TRERF1: variants seen among roughly 807,000 people sequenced by gnomAD.
The protein encoded by TRERF1 is transcriptional regulating factor 1.
Under a neutral mutation model 122.9 loss-of-function variants are expected in TRERF1, and 27 were observed. The ratio of observed to expected loss-of-function variants is 0.22; its 90% CI spans 0.16 to 0.30. The LOEUF (loss-of-function observed/expected upper bound fraction) is 0.30. Among genes scored for constraint, TRERF1 ranks in the 10% least tolerant of loss-of-function variants. The pLI is 1.00. For missense variants in TRERF1, 1,248 were observed against 1,560.3 expected (o/e 0.80, Z 3.37); for synonymous variants, 636 against 641.7 (o/e 0.99, Z 0.13).
intron 4 of TRERF1, among the ~76,000 whole-genome samples, chr6:42,299,534 T>C (rs1785771542): frequency 1.3e-5 from 2 of 152,126 alleles, no homozygotes; most frequent in African/African-American, 2.4e-5. Flanking sequence ...TTAACACACC[T>C]CTCTCAATAA....
chr6:42,230,057 C>T (rs934935435), intron 17 of TRERF1, among the ~76,000 whole-genome samples: 4 of 152,028 alleles, frequency 2.6e-5, no homozygotes, highest in Non-Finnish European at 5.9e-5. Flanking sequence ...GAGGGGGTGG[C>T]ATAATACTCT....
intron 3 of TRERF1, among the ~76,000 whole-genome samples, chr6:42,317,387 C>T (rs1762670111): frequency 6.6e-6 from 1 of 152,166 alleles, no homozygotes; most frequent in Admixed American, 6.5e-5. Context: ...CAGAGTCTTG[C>T]TCTGTTGCCC....
intron 2 of TRERF1, among the ~76,000 whole-genome samples, chr6:42,369,224 TG>T (rs1304167524): frequency 6.6e-6 from 1 of 151,992 alleles, no homozygotes; most frequent in Non-Finnish European, 1.5e-5. Flanking sequence ...CCAAGGCGGG[TG>T]GATCACTTGA....
intron 2 of TRERF1, among the ~76,000 whole-genome samples, chr6:42,408,864 T>G (rs1041955622): frequency 2.6e-5 from 4 of 152,184 alleles, no homozygotes; most frequent in African/African-American, 4.8e-5. Flanking sequence ...CATCTAAAAT[T>G]TATAACATAT....
At chr6:42,270,760 C>T (rs1582717021) in intron 4 of TRERF1, among the ~76,000 whole-genome samples, 1 of 150,456 alleles carries the variant, frequency 6.6e-6, no homozygotes, top group Non-Finnish European at 1.5e-5. Context: ...CACAGCAAGA[C>T]CTCATCTCTT....
At chr6:42,342,109 T>C (rs917905191) in intron 3 of TRERF1, among the ~76,000 whole-genome samples, 7 of 152,260 alleles carry the variant, frequency 4.6e-5, no homozygotes, top group African/African-American at 7.2e-5. Flanking sequence ...GGGCTCCCCC[T>C]GAGGGCAGAG....
intron 3 of TRERF1, among the ~76,000 whole-genome samples, chr6:42,340,461 A>G (rs1027413866): frequency 1.3e-5 from 2 of 152,240 alleles, no homozygotes; most frequent in Admixed American, 1.3e-4. Flanking sequence ...CAGCCCATAG[A>G]TTAATCTATT....
At chr6:42,351,031 T>C (rs1029609349) in intron 3 of TRERF1, among the ~76,000 whole-genome samples, 3 of 152,084 alleles carry the variant, frequency 2.0e-5, no homozygotes, top group African/African-American at 7.2e-5. Context: ...AGATTACTGA[T>C]GGCCTCATGA....
chr6:42,386,131 G>A (rs926744241), intron 2 of TRERF1, among the ~76,000 whole-genome samples: 2 of 152,180 alleles, frequency 1.3e-5, no homozygotes, highest in African/African-American at 4.8e-5. Context: ...CGAGGTGGGC[G>A]AATCACCTGA....
intron 4 of TRERF1, among the ~76,000 whole-genome samples, chr6:42,299,324 A>C (rs1785733783): frequency 6.6e-6 from 1 of 152,194 alleles, no homozygotes; most frequent in Non-Finnish European, 1.5e-5. Context: ...ATGGAAAATG[A>C]AATGAGGGGG....
intron 2 of TRERF1, among the ~76,000 whole-genome samples, chr6:42,439,552 C>A (rs1786101516): frequency 1.3e-5 from 2 of 152,122 alleles, no homozygotes; most frequent in African/African-American, 4.8e-5. Context: ...CTGCTGCACT[C>A]CAGCCTGGGC....
At chr6:42,256,621 G>A (rs1441956206) in intron 12 of TRERF1, 107 bp downstream of exon 12, 2 of 901,892 alleles carry the variant, frequency 2.2e-6, no homozygotes, top group Admixed American at 2.0e-5. Context: ...TGGTCATCAT[G>A]CGCCGATTGG....
intron 3 of TRERF1, among the ~76,000 whole-genome samples, chr6:42,338,370 C>T (rs914627994): frequency 7.9e-5 from 12 of 152,086 alleles, no homozygotes; most frequent in South Asian, 6.2e-4. Context: ...ACCTGGGTCA[C>T]GGGACGTGGG....
chr6:42,395,906 C>T (rs922501550), intron 2 of TRERF1, among the ~76,000 whole-genome samples: 6 of 152,140 alleles, frequency 3.9e-5, no homozygotes, highest in Admixed American at 2.0e-4. Flanking sequence ...AACTACCTCA[C>T]GCTCACTGAG....
At chr6:42,432,866 C>T (rs1784698989) in intron 2 of TRERF1, among the ~76,000 whole-genome samples, 1 of 147,478 alleles carries the variant, frequency 6.8e-6, no homozygotes, top group South Asian at 2.1e-4. Flanking sequence ...AAAAAAGTCA[C>T]CTAAAGAATT....
intron 2 of TRERF1, among the ~76,000 whole-genome samples, chr6:42,439,925 C>G (rs1786183903): frequency 6.6e-6 from 1 of 152,190 alleles, no homozygotes; most frequent in Non-Finnish European, 1.5e-5. Flanking sequence ...TTTCCATGTT[C>G]ACATGACGGT....
chr6:42,446,175 A>G (rs1787478199), intron 2 of TRERF1, among the ~76,000 whole-genome samples: 1 of 152,172 alleles, frequency 6.6e-6, no homozygotes, highest in African/African-American at 2.4e-5. Context: ...CGGCCTCCCG[A>G]AGTGCTAGGA....
At chr6:42,347,470 A>G (rs907263838) in intron 3 of TRERF1, among the ~76,000 whole-genome samples, 2 of 152,128 alleles carry the variant, frequency 1.3e-5, no homozygotes, top group Admixed American at 6.5e-5. Context: ...GAATCATTCA[A>G]TTATTCAACA....
chr6:42,405,897 C>T (rs1780120618), intron 2 of TRERF1, among the ~76,000 whole-genome samples: 1 of 151,866 alleles, frequency 6.6e-6, no homozygotes, highest in Non-Finnish European at 1.5e-5. Context: ...AACTACCTGC[C>T]CCTGTGGAGT....
Sources: gnomAD v4.1 joint callset for allele counts (sites outside exome capture counted in the v4.1 genomes callset) on GRCh38, gnomAD v4.1.1 for gene constraint, MANE v1.5 for transcripts, NCBI Gene and HGNC (gene_info 2026-07-23, HGNC 2026-07-21) for gene names.